SLIT2: variants seen among roughly 807,000 people sequenced by gnomAD.
SLIT2 encodes the protein slit guidance ligand 2, also known as slit homolog 2 protein.
Under a neutral mutation model 185.7 loss-of-function variants are expected in SLIT2, and 41 were observed. The ratio of observed to expected loss-of-function variants is 0.22; its 90% CI spans 0.17 to 0.29. The LOEUF is 0.29. SLIT2 is among the 10% of genes least tolerant of loss of function. SLIT2 has a pLI of 1.00. For missense variants in SLIT2, 1,571 were observed against 1,909.0 expected, an observed-to-expected ratio of 0.82 and a Z score of 3.30; for synonymous variants, 693 against 680.2, an observed-to-expected ratio of 1.02 and a Z score of -0.29.
intron 26 of SLIT2, among the ~76,000 whole-genome samples, chr4:20,561,009 T>G (rs146886765): frequency 6.6e-6 from 1 of 151,814 alleles, no homozygotes; most frequent in East Asian, 1.9e-4. Flanking sequence ...ATGTGTAAGA[T>G]GCTAATAATA....
At chr4:20,300,744 C>T (rs1026750198) in intron 4 of SLIT2, among the ~76,000 whole-genome samples, 1 of 152,002 alleles carries the variant, frequency 6.6e-6, no homozygotes, top group South Asian at 2.1e-4. Flanking sequence ...TTTTAAATTT[C>T]AAGAGCAATA....
At chr4:20,305,300 T>C (rs990020495) in intron 4 of SLIT2, among the ~76,000 whole-genome samples, 6 of 152,200 alleles carry the variant, frequency 3.9e-5, no homozygotes, top group South Asian at 2.1e-4. Flanking sequence ...AGAAAATAAA[T>C]GTTTGATGAA....
At chr4:20,486,860 C>G (rs2148789943) in intron 7 of SLIT2, among the ~76,000 whole-genome samples, 1 of 151,830 alleles carries the variant, frequency 6.6e-6, no homozygotes, top group African/African-American at 2.4e-5. Flanking sequence ...CTTTAAAGCC[C>G]AGGGTGGACT....
intron 12 of SLIT2, among the ~76,000 whole-genome samples, chr4:20,519,836 T>A (rs887271303): frequency 9.9e-5 from 15 of 151,556 alleles, no homozygotes; most frequent in Non-Finnish European, 1.6e-4. Flanking sequence ...ATCCAGACCA[T>A]CCTGGCTAAC....
intron 33 of SLIT2, among the ~76,000 whole-genome samples, chr4:20,598,679 C>T (rs1469260326): frequency 6.6e-6 from 1 of 152,026 alleles, no homozygotes; most frequent in Non-Finnish European, 1.5e-5. Flanking sequence ...TACCCATATG[C>T]CTGAAGGATC....
chr4:20,615,824 T>A (rs1729607312), intron 34 of SLIT2: 1 of 152,276 alleles, frequency 6.6e-6, no homozygotes, highest in South Asian at 2.1e-4. Context: ...AGCCTAGAAC[T>A]TCCAGCCAGT....
chr4:20,344,039 T>C (rs1721184019), intron 4 of SLIT2, among the ~76,000 whole-genome samples: 1 of 152,040 alleles, frequency 6.6e-6, no homozygotes, highest in South Asian at 2.1e-4. Context: ...TTGGTAGAGA[T>C]GAGGTTTCAC....
At chr4:20,391,032 G>C (rs933323740) in intron 4 of SLIT2, among the ~76,000 whole-genome samples, 3 of 151,834 alleles carry the variant, frequency 2.0e-5, no homozygotes. Context: ...ACTTAAAGAT[G>C]GAAAACATAC....
intron 9 of SLIT2, among the ~76,000 whole-genome samples, chr4:20,504,451 G>T (rs551067995): frequency 2.6e-5 from 4 of 152,044 alleles, no homozygotes; most frequent in Non-Finnish European, 5.9e-5. Flanking sequence ...TATTTTACTG[G>T]GTATTATAAA....
intron 11 of SLIT2, among the ~76,000 whole-genome samples, chr4:20,512,846 T>C (rs1719877888): frequency 6.6e-6 from 1 of 152,180 alleles, no homozygotes; most frequent in Non-Finnish European, 1.5e-5. Flanking sequence ...GATATTAAGC[T>C]CTTCCCTTAA....
At chr4:20,494,079 G>A (rs942825032) in intron 9 of SLIT2, among the ~76,000 whole-genome samples, 2 of 152,190 alleles carry the variant, frequency 1.3e-5, no homozygotes, top group Non-Finnish European at 2.9e-5. Context: ...TTGAGCATAG[G>A]AGTTTTAATC....
intron 28 of SLIT2, among the ~76,000 whole-genome samples, chr4:20,567,914 A>T (rs1446173181): frequency 6.6e-6 from 1 of 152,228 alleles, no homozygotes; most frequent in Middle Eastern, 3.4e-3. Flanking sequence ...GCTCCATTAT[A>T]CTAATTAATA....
At chr4:20,460,946 A>T (rs1000013476) in intron 4 of SLIT2, among the ~76,000 whole-genome samples, 1 of 152,250 alleles carries the variant, frequency 6.6e-6, no homozygotes, top group Non-Finnish European at 1.5e-5. Context: ...TTATCTAATA[A>T]TGTAAACACT....
intron 11 of SLIT2, among the ~76,000 whole-genome samples, chr4:20,513,744 G>A (rs1011404076): frequency 1.3e-5 from 2 of 151,964 alleles, no homozygotes; most frequent in African/African-American, 4.8e-5. Context: ...GTTGGCGGGG[G>A]GAAGCTAAAA....
intron 4 of SLIT2, among the ~76,000 whole-genome samples, chr4:20,433,059 A>G (rs909703660): frequency 6.6e-6 from 1 of 152,164 alleles, no homozygotes; most frequent in Non-Finnish European, 1.5e-5. Flanking sequence ...GTATGCTTCC[A>G]AAGGAATGCT....
intron 4 of SLIT2, among the ~76,000 whole-genome samples, chr4:20,362,678 C>T (rs953926377): frequency 1.3e-5 from 2 of 151,166 alleles, no homozygotes; most frequent in African/African-American, 4.9e-5. Context: ...TATGTTTATT[C>T]ACTTAAAAAG....
intron 26 of SLIT2, among the ~76,000 whole-genome samples, chr4:20,562,105 A>G (rs1724742223): frequency 1.3e-5 from 2 of 151,774 alleles, no homozygotes. Context: ...GATTTTTACA[A>G]TGCAAATTTA....
At chr4:20,341,620 C>G (rs1242326372) in intron 4 of SLIT2, among the ~76,000 whole-genome samples, 1 of 152,170 alleles carries the variant, frequency 6.6e-6, no homozygotes, top group Non-Finnish European at 1.5e-5. Context: ...GTAATTGTAT[C>G]TAGGGGAAGT....
At chr4:20,529,219 A>G (rs1721569247) in intron 16 of SLIT2, 120 bp downstream of exon 16, 2 of 677,414 alleles carry the variant, frequency 3.0e-6, no homozygotes, top group African/African-American at 1.8e-5. Flanking sequence ...ATTAATATGC[A>G]TTACATTGGC....
Sources: allele counts gnomAD v4.1 joint callset (sites outside exome capture counted in the v4.1 genomes callset), GRCh38; gene constraint gnomAD v4.1.1; transcripts MANE v1.5; gene names NCBI Gene and HGNC (gene_info 2026-07-23, HGNC 2026-07-21).